TAPT1: variants seen among roughly 807,000 people sequenced by gnomAD.
The protein encoded by TAPT1 is transmembrane anterior posterior transformation 1.
A neutral mutation model predicts 65.6 loss-of-function variants in TAPT1; 28 were observed. The observed-to-expected ratio is 0.43, with a 90% confidence interval of 0.32 to 0.59. The LOEUF (loss-of-function observed/expected upper bound fraction) is 0.59. Ranked by LOEUF, TAPT1 falls within the 20% of genes least tolerant of loss-of-function variation. TAPT1 has a pLI of 0.09. For missense variants in TAPT1, 563 were observed against 679.9 expected (o/e 0.83, Z 1.91); for synonymous variants, 278 against 245.2 (o/e 1.13, Z -1.25).
chr4:16,175,231 C>A (rs1223545087), intron 9 of TAPT1, among the ~76,000 whole-genome samples: 1 of 151,980 alleles, frequency 6.6e-6, no homozygotes, highest in African/African-American at 2.4e-5. Flanking sequence ...CTCAATCAAG[C>A]CTATTAATTT....
At chr4:16,179,794 A>ATATATATATATGTGTATATATATATC in intron 7 of TAPT1, 137 bp from the exon 8 acceptor site, 1 of 441,042 alleles carries the variant, frequency 2.3e-6, no homozygotes, top group Non-Finnish European at 4.0e-6. Flanking sequence ...AACTTTATAT[A>ATATATATATATGTGTATATATATATC]TATATATATG....
At chr4:16,166,205 C>T (rs981357860) in intron 13 of TAPT1, among the ~76,000 whole-genome samples, 2 of 152,254 alleles carry the variant, frequency 1.3e-5, no homozygotes, top group Admixed American at 1.3e-4. Flanking sequence ...GGACTCTGTG[C>T]AGTGCCATCT....
At chr4:16,199,224 T>C (rs1749894760) in intron 3 of TAPT1, among the ~76,000 whole-genome samples, 2 of 152,224 alleles carry the variant, frequency 1.3e-5, no homozygotes, top group African/African-American at 4.8e-5. Context: ...TAAGTATTTA[T>C]TAGTGATAGC....
rs1302327888 is a variant in TAPT1, at chr4:16,226,453, G to A, written c.5C>T (p.Ala2Val). 2.8e-6 allele frequency: 3 copies of A among 1,063,598 alleles called. No homozygotes were observed. Among genetic ancestry groups the A allele is most frequent in the Non-Finnish European group, 3.4e-6 (3 of 882,518 alleles). The allele number at this position is 1,063,598 out of a possible 1,614,324, so 65.9% of individuals were successfully genotyped here. Reference protein sequence around the residue: MAGVGDAAAPGE... With the variant: MVGVGDAAAPGE... ...CGGAGCGGCCGCGTCGCCGACGCCC[G>A]CCATGTTCCGAGCACAACAAACTGT... The change falls in exon 1 of 14, where the codon GCG becomes GTG. Residue 2 changes from alanine to valine, a missense_variant. Ala to Val is a moderately conservative substitution (Grantham distance 64). Coordinates refer to ENST00000405303, the MANE Select transcript of TAPT1 (RefSeq NM_153365.3).
chr4:16,224,855 T>G (rs1751455780), intron 1 of TAPT1, among the ~76,000 whole-genome samples: 1 of 152,202 alleles, frequency 6.6e-6, no homozygotes, highest in Non-Finnish European at 1.5e-5. Flanking sequence ...ACAACTTCAT[T>G]TCCTCTCCAC....
chr4:16,187,438 A>G (rs1050870080), intron 5 of TAPT1, among the ~76,000 whole-genome samples: 8 of 152,206 alleles, frequency 5.3e-5, no homozygotes, highest in African/African-American at 1.2e-4. Flanking sequence ...GCAGAATTAT[A>G]TTTGTATTAC....
chr4:16,225,791 G>A, intron 1 of TAPT1: 1 of 715,776 alleles, frequency 1.4e-6, no homozygotes, highest in Non-Finnish European at 1.7e-6. Context: ...ACCGTCAGCT[G>A]TCTGTGAAAA....
chr4:16,220,815 GT>G (rs1751211608), intron 1 of TAPT1, among the ~76,000 whole-genome samples: 1 of 150,398 alleles, frequency 6.6e-6, no homozygotes, highest in South Asian at 2.1e-4. Context: ...GAAGAACTAT[GT>G]TTTGACAACT....
At chr4:16,193,234 C>T (rs545768372) in intron 3 of TAPT1, among the ~76,000 whole-genome samples, 1 of 152,278 alleles carries the variant, frequency 6.6e-6, no homozygotes, top group African/African-American at 2.4e-5. Flanking sequence ...TGGGCTGGAC[C>T]AATGAGCCTA....
At chr4:16,206,359 G>A (rs1030333794) in intron 2 of TAPT1, among the ~76,000 whole-genome samples, 2 of 152,192 alleles carry the variant, frequency 1.3e-5, no homozygotes, top group Non-Finnish European at 2.9e-5. Context: ...TTTTAAGCAC[G>A]TGACCCACAT....
At chr4:16,180,702 CTTATTCTCTGTAAGCGAGTTGGCCT>C (rs1485258590) in intron 7 of TAPT1, among the ~76,000 whole-genome samples, 18 of 152,176 alleles carry the variant, frequency 1.2e-4, no homozygotes, top group Non-Finnish European at 2.2e-4. Flanking sequence ...ACAGCAAAAC[CTTATTCTCTGTAAGCGAGTTGGCCT>C]TTATTCTCTG....
intron 4 of TAPT1, chr4:16,190,307 C>T (rs1013207227): frequency 6.6e-6 from 1 of 151,970 alleles, no homozygotes; most frequent in Non-Finnish European, 1.5e-5. Flanking sequence ...TTGTATCCCC[C>T]CAAAAATAAA....
intron 2 of TAPT1, among the ~76,000 whole-genome samples, chr4:16,209,767 G>A (rs1435601551): frequency 1.3e-5 from 2 of 152,234 alleles, no homozygotes; most frequent in Non-Finnish European, 2.9e-5. Context: ...TATATATCTT[G>A]TGAGGCTGTT....
Position 16,180,097 on chromosome 4 carries a change from T to C in TAPT1, c.917-440A>G, listed in dbSNP as rs116046148. On this transcript the variant is annotated intron_variant, in intron 7 of 13. Transcript: ENST00000405303. ...CCCAGACTATTTCCAATCTGGTAAA[T>C]AGTACACAATTACTGAACTGATGAG... is the stretch of plus-strand genomic sequence containing the variant. Among the ~76,000 whole-genome samples the C allele has an allele frequency of 6.2e-3, 943 of 152,222 alleles. 8 individuals carry two copies. The highest frequency in any genetic ancestry group is 0.021 in the African/African-American group (858 of 41,540).
chr4:16,216,903 A>T (rs1750972899), intron 1 of TAPT1, among the ~76,000 whole-genome samples: 1 of 152,074 alleles, frequency 6.6e-6, no homozygotes, highest in Non-Finnish European at 1.5e-5. Context: ...ATAAAGTCCT[A>T]CCTTCTCAGT....
At chr4:16,191,618 G>A in intron 3 of TAPT1, 95 bp from the exon 4 acceptor site, 3 of 1,235,176 alleles carry the variant, frequency 2.4e-6, no homozygotes, top group Non-Finnish European at 3.3e-6. Flanking sequence ...GCATACAAAG[G>A]TAAAAATAAG....
rs1748209309 is a variant in TAPT1, at chr4:16,174,601, AATC to A, written c.1167+66_1167+68del. 2.9e-6 allele frequency: 4 copies of A among 1,357,558 alleles called. No individual in the cohort carries two copies. In the African/African-American group the frequency reaches 4.4e-5, roughly 15 times the overall value. The allele number at this position is 1,357,558 out of a possible 1,614,324, so 84.1% of individuals were successfully genotyped here. ...TTTAGTTAATATTTCATGCTAAATT[AATC>A]ATTATTCAGTTAATTTCAGACTATG... On this transcript the variant is annotated intron_variant, in intron 10 of 13. Coordinates refer to ENST00000405303, the MANE Select transcript of TAPT1 (RefSeq NM_153365.3).
Position 16,176,107 on chromosome 4 carries a change from CA to C in TAPT1, c.1107+11del. On this transcript the variant is annotated intron_variant, in intron 9 of 13. Transcript: ENST00000405303. ...AAACTTTAAACATTGAAGTGCATAT[CA>C]AAATACATACATCTGCAGTAATGTC... The C allele has an allele frequency of 7.4e-7, 1 of 1,344,524 alleles. No homozygotes were observed. 83.3% of individuals were successfully genotyped at this position (1,344,524 alleles called of 1,614,324 possible). A position where few individuals can be genotyped will look rare whatever the true frequency, so the allele number is the denominator to read the frequency against.
At chr4:16,205,585 G>A (rs1750294050) in intron 2 of TAPT1, among the ~76,000 whole-genome samples, 1 of 152,150 alleles carries the variant, frequency 6.6e-6, no homozygotes, top group African/African-American at 2.4e-5. Flanking sequence ...GCCTGGGTCT[G>A]TAAAGCGTGT....
Sources: gnomAD v4.1 joint callset for allele counts (sites outside exome capture counted in the v4.1 genomes callset) on GRCh38, gnomAD v4.1.1 for gene constraint, MANE v1.5 for transcripts, NCBI Gene and HGNC (gene_info 2026-07-23, HGNC 2026-07-21) for gene names.